Variants in CLEC16A observed in about 807,000 individuals in gnomAD.
CLEC16A encodes protein CLEC16A.
Under a neutral mutation model 109.5 loss-of-function variants are expected in CLEC16A, and 51 were observed. That is an observed-to-expected ratio of 0.47 (90% CI 0.37 to 0.59). The LOEUF (loss-of-function observed/expected upper bound fraction) is 0.59, where lower values mean the gene tolerates loss of function less well. CLEC16A is among the 20% of genes least tolerant of loss of function. The pLI is 0.00. For missense variants in CLEC16A, 1,339 were observed against 1,394.0 expected (o/e 0.96, Z 0.63); for synonymous variants, 673 against 564.2 (o/e 1.19, Z -2.73).
At chr16:11,177,878 T>G (rs1597648000) in intron 23 of CLEC16A, among the ~76,000 whole-genome samples, 1 of 150,542 alleles carries the variant, frequency 6.6e-6, no homozygotes, top group Admixed American at 6.6e-5. Context: ...AATATTGCAG[T>G]GGGTTCCCTC....
chr16:11,008,718 C>T (rs957437883), intron 11 of CLEC16A, among the ~76,000 whole-genome samples: 3 of 150,262 alleles, frequency 2.0e-5, no homozygotes, highest in Non-Finnish European at 4.4e-5. Context: ...CGGCTGGGTG[C>T]GGTGGTTCAC....
chr16:11,150,966 T>C (rs187273265), intron 22 of CLEC16A, among the ~76,000 whole-genome samples: 1 of 152,362 alleles, frequency 6.6e-6, no homozygotes, highest in Admixed American at 6.5e-5. Context: ...TTTCATTTTT[T>C]AGGAGGCACA....
intron 13 of CLEC16A, among the ~76,000 whole-genome samples, chr16:11,038,525 A>G (rs1242881819): frequency 1.3e-5 from 2 of 152,186 alleles, no homozygotes; most frequent in African/African-American, 4.8e-5. Flanking sequence ...GTCTTCTGTC[A>G]CTGCAGGTCC....
intron 18 of CLEC16A, among the ~76,000 whole-genome samples, chr16:11,060,409 C>G (rs182521720): frequency 6.6e-6 from 1 of 152,260 alleles, no homozygotes; most frequent in Admixed American, 6.5e-5. Context: ...CTGCCCCACC[C>G]CCGTATTCAG....
At chr16:11,136,829 C>T (rs1169918142) in intron 22 of CLEC16A, among the ~76,000 whole-genome samples, 3 of 152,224 alleles carry the variant, frequency 2.0e-5, no homozygotes. Context: ...TGACTGCCAT[C>T]ATTGGCACTG....
At chr16:11,077,254 G>C (rs1388893922) in intron 19 of CLEC16A, among the ~76,000 whole-genome samples, 1 of 152,064 alleles carries the variant, frequency 6.6e-6, no homozygotes, top group South Asian at 2.1e-4. Flanking sequence ...CGGATTGCCT[G>C]AAGTCAGGAG....
chr16:11,007,978 C>G (rs754725262), intron 11 of CLEC16A, among the ~76,000 whole-genome samples: 2 of 151,794 alleles, frequency 1.3e-5, no homozygotes, highest in African/African-American at 2.4e-5. Context: ...AGCAACTTCC[C>G]GAAAACAGTT....
intron 22 of CLEC16A, among the ~76,000 whole-genome samples, chr16:11,133,269 G>T (rs2053341933): frequency 6.6e-6 from 1 of 151,884 alleles, no homozygotes; most frequent in African/African-American, 2.4e-5. Context: ...AACCCGGGAG[G>T]TGGAGGTTGC....
intron 17 of CLEC16A, chr16:11,047,993 G>C (rs1369361827): frequency 6.6e-6 from 1 of 152,196 alleles, no homozygotes; most frequent in African/African-American, 2.4e-5. Flanking sequence ...TTCAGTTACC[G>C]GCACATGGTT....
At chr16:11,083,636 C>T (rs1438374065) in intron 19 of CLEC16A, among the ~76,000 whole-genome samples, 1 of 148,894 alleles carries the variant, frequency 6.7e-6, no homozygotes, top group Non-Finnish European at 1.5e-5. Context: ...TTCTTTCCTT[C>T]CTAAGCCCAT....
chr16:11,073,148 C>A (rs934473704), intron 19 of CLEC16A, among the ~76,000 whole-genome samples: 6 of 152,176 alleles, frequency 3.9e-5, no homozygotes, highest in Non-Finnish European at 1.5e-5. Flanking sequence ...ACATGGCATT[C>A]AAAGAGTTGG....
At chr16:11,056,319 G>A (rs1227196701) in intron 18 of CLEC16A, among the ~76,000 whole-genome samples, 1 of 152,176 alleles carries the variant, frequency 6.6e-6, no homozygotes, top group African/African-American at 2.4e-5. Flanking sequence ...CAGAGTAGAC[G>A]AGTGTGGCTG....
chr16:11,108,530 A>G (rs906795841), intron 19 of CLEC16A, among the ~76,000 whole-genome samples: 4 of 152,218 alleles, frequency 2.6e-5, no homozygotes, highest in Admixed American at 6.5e-5. Context: ...TAGAGGGGGC[A>G]CCAGGCTGTG....
intron 18 of CLEC16A, among the ~76,000 whole-genome samples, chr16:11,057,793 A>ACT (rs1567257339): frequency 1.3e-5 from 2 of 152,156 alleles, no homozygotes; most frequent in Admixed American, 6.5e-5. Context: ...GAGGTCAAGG[A>ACT]GTGTGGTTGG....
intron 19 of CLEC16A, among the ~76,000 whole-genome samples, chr16:11,119,522 C>G (rs1351650242): frequency 6.6e-6 from 1 of 152,194 alleles, no homozygotes; most frequent in Non-Finnish European, 1.5e-5. Flanking sequence ...TCCTGAGTGG[C>G]TGAGACTACA....
intron 10 of CLEC16A, among the ~76,000 whole-genome samples, chr16:10,996,786 ACTGTGGGCTCTGAGAGGCGTGGC>A: frequency 6.6e-6 from 1 of 151,746 alleles, no homozygotes; most frequent in Admixed American, 6.6e-5. Flanking sequence ...AGAGGCGTGG[ACTGTGGGCTCTGAGAGGCGTGGC>A]CTGTGGCTTC....
At chr16:11,031,101 C>G (rs1176953877) in intron 13 of CLEC16A, among the ~76,000 whole-genome samples, 1 of 152,180 alleles carries the variant, frequency 6.6e-6, no homozygotes, top group Non-Finnish European at 1.5e-5. Context: ...TTCTGGACTG[C>G]TAGGCCTTGG....
intron 10 of CLEC16A, among the ~76,000 whole-genome samples, chr16:10,993,419 G>GAACATCTCATTT (rs2044150834): frequency 6.6e-6 from 1 of 152,118 alleles, no homozygotes; most frequent in South Asian, 2.1e-4. Flanking sequence ...TTGTCTCATT[G>GAACATCTCATTT]AACATCTCAT....
At chr16:11,100,966 G>T (rs35383879) in intron 19 of CLEC16A, among the ~76,000 whole-genome samples, 2 of 152,044 alleles carry the variant, frequency 1.3e-5, no homozygotes, top group Non-Finnish European at 2.9e-5. Context: ...CTGTGGCTGC[G>T]TGAGGGCCAG....
Sources: gnomAD v4.1 joint callset for allele counts (sites outside exome capture counted in the v4.1 genomes callset) on GRCh38, gnomAD v4.1.1 for gene constraint, MANE v1.5 for transcripts, NCBI Gene and HGNC (gene_info 2026-07-23, HGNC 2026-07-21) for gene names.